The following CELSR1 variants were observed in gnomAD, a reference collection of about 807,000 sequenced individuals.
CELSR1 encodes adhesion G protein-coupled receptor C1.
CELSR1 carries 110 observed loss-of-function variants against 249.1 expected under a neutral mutation model. That is an observed-to-expected ratio of 0.44 (90% CI 0.38 to 0.52). CELSR1 has a LOEUF of 0.52. Ranked by LOEUF, CELSR1 falls within the 20% of genes least tolerant of loss-of-function variation. The probability of loss-of-function intolerance (pLI) is 0.00; values close to 1 mark genes in which losing one functional copy is unlikely to be tolerated. For missense variants in CELSR1, 4,109 were observed against 4,296.4 expected (o/e 0.96, Z 1.22); for synonymous variants, 2,113 against 1,900.0 (o/e 1.11, Z -2.92).
chr22:46,534,244 G>A lies in CELSR1; in HGVS notation c.2927C>T (p.Pro976Leu). The A allele has an allele frequency of 6.2e-7, 1 of 1,613,602 alleles. No individual in the cohort carries two copies. Among genetic ancestry groups the A allele is most frequent in the South Asian group, 1.1e-5 (1 of 91,082 alleles). The part of the protein sequence containing the change: ...LWALAVDRGS[P>L]TPLSASVEIQ... ...TTCTACCGAGGCGCTAAGGGGAGTG[G>A]GACTGCCCCGATCCACAGCCAGAGC... The change falls in exon 1 of 35, where the codon CCC (proline) becomes CTC (leucine). Residue 976 changes from proline to leucine, a missense_variant. Transcript: ENST00000674500. The surrounding 1 kb of genome is among the most constrained non-coding windows in gnomAD (Gnocchi z 9.7).
At chr22:46,489,356 C>T (rs193080429) in intron 1 of CELSR1, among the ~76,000 whole-genome samples, 55 of 151,980 alleles carry the variant, frequency 3.6e-4, no homozygotes, top group African/African-American at 1.1e-3. Flanking sequence ...TTCCCACCCT[C>T]CTGTCCTGGC....
In CELSR1 at chr22:46,366,976, T is replaced by C; in HGVS notation, c.8205+17A>G. The C allele has an allele frequency of 6.2e-7, 1 of 1,604,832 alleles. No homozygotes were observed. The highest frequency in any genetic ancestry group is 1.1e-5 in the South Asian group (1 of 89,868). ...CCGCCCAGCCCCCAGTCCCGCGGTG[T>C]CCCCGGCGCCTCCTACCGTCAGCAG... On this transcript the variant is annotated intron_variant, in intron 29 of 34. Coordinates refer to ENST00000674500, the MANE Select transcript of CELSR1 (RefSeq NM_001378328.1).
Position 46,409,040 on chromosome 22 carries a change from G to C in CELSR1, c.5182C>G (p.Leu1728Val), listed in dbSNP as rs1397573431. The C allele has an allele frequency of 2.5e-6, 4 of 1,612,930 alleles. No homozygotes were observed. The African/African-American group carries it at 4.0e-5, about 16-fold the overall frequency. The part of the protein sequence containing the change: ...MFRTRKEDSV[L>V]MEATSGGPTS... ...GGCCCACCACTGGTGGCCTCCATCA[G>C]AACGCTGTCCTCCTTCCGGGTCCGG... is the stretch of plus-strand genomic sequence containing the variant. The change falls in exon 9 of 35, where the codon CTG (leucine) becomes GTG (valine). Residue 1728 changes from leucine (L) to valine (V), a missense_variant. Physicochemically the swap from Leu to Val is conservative, Grantham distance 32. This residue lies in a region of CELSR1 where 16 missense variants were observed against 40.1 expected (regional missense o/e 0.40). Coordinates refer to ENST00000674500, the MANE Select transcript of CELSR1 (RefSeq NM_001378328.1). This position sits in a 1 kb window ranked among gnomAD's most constrained non-coding sequence, Gnocchi z 9.8.
chr22:46,518,972 G>T lies in CELSR1; in HGVS notation c.3544+14655C>A, dbSNP rs1170932267. 6.6e-6 allele frequency among the ~76,000 whole-genome samples: 1 copy of T among 152,070 alleles called. No homozygotes were observed. Reference sequence around the variant, plus strand: ...CGCTTAAACCCAGGAGGCAAAGGTTGCAATGAGCCAAGATTGAGCCACTGT... The same window carrying T: ...CGCTTAAACCCAGGAGGCAAAGGTTTCAATGAGCCAAGATTGAGCCACTGT... On this transcript the variant is annotated intron_variant, in intron 1 of 34. Coordinates refer to ENST00000674500, the MANE Select transcript of CELSR1 (RefSeq NM_001378328.1). The surrounding 1 kb of genome is among the most constrained non-coding windows in gnomAD (Gnocchi z 5.2).
In CELSR1 at chr22:46,398,283, G is replaced by A. The variant is rs2147280017; in HGVS notation, c.5526+241C>T. Among the ~76,000 whole-genome samples, 1 of 152,294 alleles carries A rather than the reference G, an allele frequency of 6.6e-6. No individual in the cohort carries two copies. Among genetic ancestry groups the A allele is most frequent in the East Asian group, 1.9e-4 (1 of 5,180 alleles). ...ACACTTCACAAAGGCAGAGGGGCAG[G>A]TGGCTGGCATGGCGGTGGGGAGCTG... On this transcript the variant is annotated intron_variant, in intron 11 of 34. Transcript: ENST00000674500. This position sits in a 1 kb window ranked among gnomAD's most constrained non-coding sequence, Gnocchi z 7.2.
chr22:46,491,751 C>T (rs1480935522), intron 1 of CELSR1, among the ~76,000 whole-genome samples: 2 of 151,714 alleles, frequency 1.3e-5, no homozygotes, highest in African/African-American at 4.8e-5. Context: ...TCTCCTGCCT[C>T]AGCCTCCCAG....
chr22:46,447,244 GAGCTCTGTGTCTTTT>G lies in CELSR1; in HGVS notation c.4184-7848_4184-7834del, dbSNP rs1287431529. 6.6e-6 allele frequency among the ~76,000 whole-genome samples: 1 copy of G among 152,140 alleles called. No homozygotes were observed. Among genetic ancestry groups the G allele is most frequent in the Non-Finnish European group, 1.5e-5 (1 of 68,026 alleles). On this transcript the variant is annotated intron_variant, in intron 2 of 34. Coordinates refer to ENST00000674500, the MANE Select transcript of CELSR1 (RefSeq NM_001378328.1). This position sits in a 1 kb window ranked among gnomAD's most constrained non-coding sequence, Gnocchi z 4.7. The stretch of plus-strand genomic sequence containing the variant: ...TGAAGGTAAATAGGTCAAATTTAGT[GAGCTCTGTGTCTTTT>G]AGCTCTGTATCTTTTATTTTCTAAT...
chr22:46,438,559 G>A (rs1345000993), intron 3 of CELSR1, among the ~76,000 whole-genome samples: 1 of 152,198 alleles, frequency 6.6e-6, no homozygotes, highest in African/African-American at 2.4e-5. Flanking sequence ...AAGGGAAACT[G>A]TTCATAATTG....
rs547240683 is a variant in CELSR1, at chr22:46,517,754, C to T, written c.3544+15873G>A. Among the ~76,000 whole-genome samples, 87 of 152,076 alleles carry T rather than the reference C, an allele frequency of 5.7e-4. No homozygotes were observed. Among genetic ancestry groups the T allele is most frequent in the Admixed American group, 2.0e-4 (3 of 15,254 alleles). ...TGTTAGAATTTTCCATGCTTAGAAG[C>T]GAGGGCTGCATTGAAGAGGCGACTC... On this transcript the variant is annotated intron_variant, in intron 1 of 34. Coordinates refer to ENST00000674500, the MANE Select transcript of CELSR1 (RefSeq NM_001378328.1). The surrounding 1 kb of genome is among the most constrained non-coding windows in gnomAD (Gnocchi z 5.4).
rs550244942 is a variant in CELSR1 at position 46,428,483 on chromosome 22, A to G, written c.4611+4910T>C. Among the ~76,000 whole-genome samples the G allele has an allele frequency of 1.2e-4, 18 of 151,948 alleles. No homozygotes were observed. Among genetic ancestry groups the G allele is most frequent in the African/African-American group, 3.6e-4 (15 of 41,434 alleles). ...CGCATCTCCACCTGAAGCTACCAGG[A>G]CTCCCGCTAGCTGAGCTCCCGTCTC... On this transcript the variant is annotated intron_variant, in intron 5 of 34. Transcript: ENST00000674500. The surrounding 1 kb of genome is among the most constrained non-coding windows in gnomAD (Gnocchi z 5.7).
chr22:46,397,206 T>C (rs995392737), intron 12 of CELSR1, among the ~76,000 whole-genome samples: 1 of 151,656 alleles, frequency 6.6e-6, no homozygotes, highest in Non-Finnish European at 1.5e-5. Context: ...GAAGCTCAAG[T>C]GATCCTCCCA....
At chr22:46,509,652 G>A (rs758868222) in intron 1 of CELSR1, among the ~76,000 whole-genome samples, 26 of 152,296 alleles carry the variant, frequency 1.7e-4, no homozygotes, top group East Asian at 7.7e-4. Context: ...CAGTGCCAGC[G>A]GTGCTGGGGG....
intron 1 of CELSR1, among the ~76,000 whole-genome samples, chr22:46,482,662 C>T (rs1001141238): frequency 1.3e-5 from 2 of 152,038 alleles, no homozygotes; most frequent in Admixed American, 1.3e-4. Context: ...TTGCAGTGAG[C>T]TGAGCTTGTG....
intron 5 of CELSR1, among the ~76,000 whole-genome samples, chr22:46,419,658 G>A (rs140316114): frequency 1.3e-5 from 2 of 148,394 alleles, no homozygotes; most frequent in East Asian, 3.9e-4. Flanking sequence ...CCTCGAAAAT[G>A]ACTTTTCTGA....
chr22:46,391,966 A>G lies in CELSR1; in HGVS notation c.5965-150T>C, dbSNP rs2079097996. On this transcript the variant is annotated intron_variant, in intron 14 of 34. Coordinates refer to ENST00000674500, the MANE Select transcript of CELSR1 (RefSeq NM_001378328.1). This position sits in a 1 kb window ranked among gnomAD's most constrained non-coding sequence, Gnocchi z 4.3. The stretch of plus-strand genomic sequence containing the variant: ...CCCCTCATGGCTACCCTCTGCCCAC[A>G]TCCCACACCCAACGGGGGCTGCCTC... 1 of 822,230 alleles carries G rather than the reference A, an allele frequency of 1.2e-6. No individual in the cohort carries two copies. The highest frequency in any genetic ancestry group is 1.8e-6 in the Non-Finnish European group (1 of 549,278). 50.9% of individuals were successfully genotyped at this position (822,230 alleles called of 1,614,324 possible). A position where few individuals can be genotyped will look rare whatever the true frequency, so the allele number is the denominator to read the frequency against.
In CELSR1 at chr22:46,442,081, G is replaced by A. The variant is rs559247863; in HGVS notation, c.4184-2670C>T. Among the ~76,000 whole-genome samples, 23 of 152,314 alleles carry A rather than the reference G, an allele frequency of 1.5e-4. No individual in the cohort carries two copies. In the Middle Eastern group the frequency reaches 0.01, roughly 68 times the overall value. On this transcript the variant is annotated intron_variant, in intron 2 of 34. Transcript: ENST00000674500. The stretch of plus-strand genomic sequence containing the variant: ...GAGAATTGCTTAAATCTGGGCAGCC[G>A]AGGTTGCAGTGAGCCAAGATGGTGC...
Position 46,429,967 on chromosome 22 carries a change from G to C in CELSR1, c.4611+3426C>G, listed in dbSNP as rs2079575561. Among the ~76,000 whole-genome samples the C allele has an allele frequency of 6.6e-6, 1 of 152,212 alleles. No homozygotes were observed. Among genetic ancestry groups the C allele is most frequent in the Admixed American group, 6.5e-5 (1 of 15,290 alleles). ...AACCCTTCCAGGGCTGGTCCCACTGGAGCACCCCATCTGCTTCCTGTGGGG... is the reference window on the plus strand; with the variant it reads ...AACCCTTCCAGGGCTGGTCCCACTGCAGCACCCCATCTGCTTCCTGTGGGG... On this transcript the variant is annotated intron_variant, in intron 5 of 34. Transcript: ENST00000674500. The surrounding 1 kb of genome is among the most constrained non-coding windows in gnomAD (Gnocchi z 4.1).
rs1242239876 is a variant in CELSR1 at position 46,382,165 on chromosome 22, A to G, written c.6884-115T>C. The G allele has an allele frequency of 2.0e-5, 20 of 992,222 alleles. No individual in the cohort carries two copies. In the African/African-American group the frequency reaches 2.6e-4, roughly 13 times the overall value. 61.5% of individuals were successfully genotyped at this position (992,222 alleles called of 1,614,324 possible). A position where few individuals can be genotyped will look rare whatever the true frequency, so the allele number is the denominator to read the frequency against. ...CAACAGATGTCCCACAGAAAACAGTACCGTGGGTCCCCAAAAAATCAAAAA... is the reference window on the plus strand; with the variant it reads ...CAACAGATGTCCCACAGAAAACAGTGCCGTGGGTCCCCAAAAAATCAAAAA... On this transcript the variant is annotated intron_variant, in intron 20 of 34. Coordinates refer to ENST00000674500, the MANE Select transcript of CELSR1 (RefSeq NM_001378328.1).
Position 46,500,145 on chromosome 22 carries a change from T to C in CELSR1, c.3544+33482A>G, listed in dbSNP as rs2147729823. On this transcript the variant is annotated intron_variant, in intron 1 of 34. Transcript: ENST00000674500. The surrounding 1 kb of genome is among the most constrained non-coding windows in gnomAD (Gnocchi z 4.9). ...ACCCCAGCCCCTGGTCCTCCCAGCA[T>C]GATCCCACCCCAGCCCCTGGTCCTC... is the stretch of plus-strand genomic sequence containing the variant. 7.0e-6 allele frequency among the ~76,000 whole-genome samples: 1 copy of C among 142,672 alleles called. No individual in the cohort carries two copies. Among genetic ancestry groups the C allele is most frequent in the East Asian group, 2.4e-4 (1 of 4,166 alleles). 93.6% of individuals were successfully genotyped at this position (142,672 alleles called of 152,430 possible).
Sources: gnomAD v4.1 joint callset for allele counts (sites outside exome capture counted in the v4.1 genomes callset) on GRCh38, gnomAD v4.1.1 for gene constraint, gnomAD v4.1.1 regional missense constraint, Gnocchi (gnomAD v3.1) non-coding constraint, MANE v1.5 for transcripts, NCBI Gene and HGNC (gene_info 2026-07-23, HGNC 2026-07-21) for gene names.